KSR2: variants seen among roughly 807,000 people sequenced by gnomAD.
The protein encoded by KSR2 is kinase suppressor of ras 2.
A neutral mutation model predicts 107.8 loss-of-function variants in KSR2; 25 were observed. The ratio of observed to expected loss-of-function variants is 0.23; its 90% CI spans 0.17 to 0.32. The LOEUF is 0.32. Ranked by LOEUF, KSR2 falls within the 10% of genes least tolerant of loss-of-function variation. The pLI is 1.00. For synonymous variants in KSR2, 480 were observed against 507.0 expected, an observed-to-expected ratio of 0.95 and a Z score of 0.71; for missense variants, 887 against 1,268.9, an observed-to-expected ratio of 0.70 and a Z score of 4.57.
intron 4 of KSR2, among the ~76,000 whole-genome samples, chr12:117,710,585 C>A (rs1051913691): frequency 6.6e-6 from 1 of 152,146 alleles, no homozygotes; most frequent in Non-Finnish European, 1.5e-5. Flanking sequence ...TGAGCTTCAC[C>A]TCTGCCAGCC....
At chr12:117,471,585 T>G (rs1871461342) in intron 17 of KSR2, among the ~76,000 whole-genome samples, 1 of 152,146 alleles carries the variant, frequency 6.6e-6, no homozygotes, top group Non-Finnish European at 1.5e-5. Flanking sequence ...CTACTTGCAA[T>G]GATTCTAGGA....
At chr12:117,477,482 G>A (rs997711578) in intron 16 of KSR2, among the ~76,000 whole-genome samples, 4 of 152,144 alleles carry the variant, frequency 2.6e-5, no homozygotes, top group African/African-American at 9.7e-5. Flanking sequence ...CTTTAGTAGG[G>A]AAAGAAGACA....
At chr12:117,618,507 C>T (rs151030140) in intron 5 of KSR2, among the ~76,000 whole-genome samples, 11 of 152,094 alleles carry the variant, frequency 7.2e-5, no homozygotes, top group Non-Finnish European at 1.2e-4. Flanking sequence ...GAGTCATGGC[C>T]TGATATGGTT....
chr12:117,953,018 C>T (rs1419246540), intron 1 of KSR2, among the ~76,000 whole-genome samples: 2 of 151,220 alleles, frequency 1.3e-5, no homozygotes, highest in African/African-American at 4.9e-5. Context: ...TTAAAGGCTG[C>T]CTTGTGAAAG....
chr12:117,765,287 T>A (rs1024491818), intron 3 of KSR2, among the ~76,000 whole-genome samples: 1 of 152,344 alleles, frequency 6.6e-6, no homozygotes, highest in Non-Finnish European at 1.5e-5. Flanking sequence ...TACTGCACCA[T>A]GAAGCCACAA....
At chr12:117,676,317 C>T (rs1885116918) in intron 4 of KSR2, among the ~76,000 whole-genome samples, 1 of 152,244 alleles carries the variant, frequency 6.6e-6, no homozygotes, top group Admixed American at 6.5e-5. Context: ...ATAGCACAAG[C>T]TGCATTTCCC....
chr12:117,541,503 T>C (rs1565892082), intron 9 of KSR2, among the ~76,000 whole-genome samples: 1 of 152,122 alleles, frequency 6.6e-6, no homozygotes, highest in Non-Finnish European at 1.5e-5. Context: ...CCACATGATA[T>C]AAAAGGGATT....
chr12:117,694,631 G>A (rs1038326700), intron 4 of KSR2, among the ~76,000 whole-genome samples: 4 of 152,122 alleles, frequency 2.6e-5, no homozygotes, highest in Admixed American at 2.6e-4. Context: ...CATGTTCACA[G>A]CAGCATTATT....
At chr12:117,690,385 G>A (rs1033129502) in intron 4 of KSR2, among the ~76,000 whole-genome samples, 13 of 152,094 alleles carry the variant, frequency 8.5e-5, no homozygotes, top group South Asian at 2.1e-4. Context: ...CCAACATGGC[G>A]AAACCCCGTC....
chr12:117,498,429 TCTCAGAG>T (rs753089172), intron 14 of KSR2, among the ~76,000 whole-genome samples: 5 of 152,054 alleles, frequency 3.3e-5, no homozygotes, highest in Non-Finnish European at 5.9e-5. Context: ...AGCTAGAAGG[TCTCAGAG>T]CTGCTGGATG....
intron 1 of KSR2, among the ~76,000 whole-genome samples, chr12:117,891,273 G>A (rs1195905958): frequency 2.0e-5 from 3 of 151,702 alleles, no homozygotes; most frequent in East Asian, 3.9e-4. Flanking sequence ...AAAATTAACC[G>A]GGTGTGGTGG....
At chr12:117,733,412 GTCTTA>G (rs1887808342) in intron 4 of KSR2, among the ~76,000 whole-genome samples, 2 of 151,970 alleles carry the variant, frequency 1.3e-5, no homozygotes, top group Non-Finnish European at 2.9e-5. Flanking sequence ...CACTCTTTAG[GTCTTA>G]TCTTAGATCA....
At chr12:117,551,934 C>T (rs576238671) in intron 9 of KSR2, among the ~76,000 whole-genome samples, 2 of 152,316 alleles carry the variant, frequency 1.3e-5, no homozygotes, top group African/African-American at 4.8e-5. Flanking sequence ...CACCAAGAGG[C>T]TCACTGTGCC....
At chr12:117,908,859 G>A (rs1471827354) in intron 1 of KSR2, among the ~76,000 whole-genome samples, 1 of 152,128 alleles carries the variant, frequency 6.6e-6, no homozygotes, top group Non-Finnish European at 1.5e-5. Flanking sequence ...AGGTAGTTGG[G>A]CAGTGAAATG....
chr12:117,459,955 G>A lies in KSR2; in HGVS notation c.*7244C>T, dbSNP rs964204221. The A allele has an allele frequency of 7.9e-5, 12 of 152,184 alleles. No homozygotes were observed. The highest frequency in any genetic ancestry group is 3.9e-4 in the Admixed American group (6 of 15,282). 9.4% of individuals were successfully genotyped at this position (152,184 alleles called of 1,614,324 possible). ...TGTTGGAGATTCAGAAACAAGCCTG[G>A]GAAAGCTTGGGAAGAACAGCCTCCT... On this transcript the variant is annotated 3_prime_UTR_variant, in exon 20 of 20. Transcript: ENST00000339824.
In KSR2 at chr12:117,464,660, C is replaced by T. The variant is rs61071715; in HGVS notation, c.*2539G>A. The T allele has an allele frequency of 0.18, 26,899 of 152,158 alleles. 2,471 individuals carry two copies. The highest frequency in any genetic ancestry group is 0.21 in the African/African-American group (8,533 of 41,474). 9.4% of individuals were successfully genotyped at this position (152,158 alleles called of 1,614,324 possible). A position where few individuals can be genotyped will look rare whatever the true frequency, so the allele number is the denominator to read the frequency against. On this transcript the variant is annotated 3_prime_UTR_variant, in exon 20 of 20. Transcript: ENST00000339824. ...CGGTGTAGAGGGGACAGGGTAGGGGCGTCAGGAAGGCACTGAAGGCCAGGA... is the reference window on the plus strand; with the variant it reads ...CGGTGTAGAGGGGACAGGGTAGGGGTGTCAGGAAGGCACTGAAGGCCAGGA...
intron 3 of KSR2, among the ~76,000 whole-genome samples, chr12:117,850,191 C>T (rs572518262): frequency 1.2e-4 from 19 of 152,320 alleles, no homozygotes; most frequent in African/African-American, 4.6e-4. Flanking sequence ...AAGCACATCA[C>T]ACAGCTTTTC....
intron 4 of KSR2, among the ~76,000 whole-genome samples, chr12:117,689,587 T>G (rs1885732339): frequency 6.6e-6 from 1 of 152,146 alleles, no homozygotes; most frequent in Admixed American, 6.5e-5. Flanking sequence ...CAGGCCAGAT[T>G]TGGCCCCGGG....
chr12:117,541,275 C>G (rs4766857), intron 9 of KSR2, among the ~76,000 whole-genome samples: 1 of 129,702 alleles, frequency 7.7e-6, no homozygotes, highest in African/African-American at 3.1e-5. Context: ...GATGTGGAGG[C>G]ATGGGAGGCA....
Sources: allele counts gnomAD v4.1 joint callset (sites outside exome capture counted in the v4.1 genomes callset), GRCh38; gene constraint gnomAD v4.1.1; transcripts MANE v1.5; gene names NCBI Gene and HGNC (gene_info 2026-07-23, HGNC 2026-07-21).